DMXL2: variants seen among roughly 807,000 people sequenced by gnomAD.
DMXL2 encodes the protein dmX-like protein 2.
DMXL2 carries 103 observed loss-of-function variants against 331.1 expected under a neutral mutation model. That is an observed-to-expected ratio of 0.31 (90% CI 0.27 to 0.37). The LOEUF is 0.37. Among genes scored for constraint, DMXL2 ranks in the 10% least tolerant of loss-of-function variants. The probability of loss-of-function intolerance (pLI) is 1.00; values close to 1 mark genes in which losing one functional copy is unlikely to be tolerated. For synonymous variants in DMXL2, 1,281 were observed against 1,252.1 expected (o/e 1.02, Z -0.49); for missense variants, 3,171 against 3,642.9 (o/e 0.87, Z 3.33).
intron 15 of DMXL2, among the ~76,000 whole-genome samples, chr15:51,511,152 A>G (rs1410525158): frequency 3.3e-5 from 5 of 152,210 alleles, no homozygotes; most frequent in African/African-American, 1.2e-4. Flanking sequence ...TCATGACTAA[A>G]ACACCAAAAA....
intron 9 of DMXL2, among the ~76,000 whole-genome samples, chr15:51,538,957 C>T (rs1410237636): frequency 6.6e-6 from 1 of 152,052 alleles, no homozygotes; most frequent in African/African-American, 2.4e-5. Context: ...TGCCTGTAAT[C>T]CTAGCATTTT....
intron 6 of DMXL2, among the ~76,000 whole-genome samples, chr15:51,556,563 A>C (rs1217957780): frequency 6.6e-6 from 1 of 152,106 alleles, no homozygotes; most frequent in Non-Finnish European, 1.5e-5. Context: ...ATCTGAGGTC[A>C]GGAGTTCGAG....
intron 27 of DMXL2, 123 bp from the exon 28 acceptor site, chr15:51,474,715 G>C: frequency 1.8e-6 from 2 of 1,088,062 alleles, no homozygotes; most frequent in Non-Finnish European, 2.5e-6. Flanking sequence ...TCCATAATTT[G>C]AGCAACAAAA....
chr15:51,478,806 G>C lies in DMXL2; in HGVS notation c.6757-459C>G, dbSNP rs981287678. 1.2e-3 allele frequency among the ~76,000 whole-genome samples: 180 copies of C among 152,186 alleles called. 1 individual carries two copies. Among genetic ancestry groups the C allele is most frequent in the African/African-American group, 4.3e-3 (179 of 41,518 alleles). On this transcript the variant is annotated intron_variant, in intron 25 of 43. Transcript: ENST00000560891. ...AATGAATTAAATCTTTTTAGTAAATGTGTCAATCACTGTGTGAAACAGCAG... is the reference window on the plus strand; with the variant it reads ...AATGAATTAAATCTTTTTAGTAAATCTGTCAATCACTGTGTGAAACAGCAG...
rs905305754 is a variant in DMXL2 at position 51,622,769 on chromosome 15, A to G, written c.-224T>C. The G allele has an allele frequency of 5.2e-6, 4 of 775,304 alleles. No individual in the cohort carries two copies. The African/African-American group carries it at 7.3e-5, about 14-fold the overall frequency. 48.0% of individuals were successfully genotyped at this position (775,304 alleles called of 1,614,324 possible). A position where few individuals can be genotyped will look rare whatever the true frequency, so the allele number is the denominator to read the frequency against. On this transcript the variant is annotated 5_prime_UTR_variant, in exon 1 of 44. Transcript: ENST00000560891. ...GCCCGGGTCGCCGCTCAGCTGCGGAAATGCCCGGATGTTCCCACTGCCTGC... is the reference window on the plus strand; with the variant it reads ...GCCCGGGTCGCCGCTCAGCTGCGGAGATGCCCGGATGTTCCCACTGCCTGC...
At chr15:51,502,300 G>C (rs2043697998) in intron 17 of DMXL2, among the ~76,000 whole-genome samples, 1 of 125,656 alleles carries the variant, frequency 8.0e-6, no homozygotes, top group South Asian at 2.6e-4. Flanking sequence ...AGGAAATTTT[G>C]TGGGTTTGTG....
In DMXL2 at chr15:51,448,386, T is replaced by C. The variant is rs1340280012; in HGVS notation, c.*598A>G. ...TGCAAATTGTGAGTAAAACATTGCATTTAAATTTGCACTCATTTGCAAGTT... is the reference window on the plus strand; with the variant it reads ...TGCAAATTGTGAGTAAAACATTGCACTTAAATTTGCACTCATTTGCAAGTT... On this transcript the variant is annotated 3_prime_UTR_variant, in exon 44 of 44. Coordinates refer to ENST00000560891, the MANE Select transcript of DMXL2 (RefSeq NM_001378457.1). 1.3e-5 allele frequency: 2 copies of C among 153,308 alleles called. No homozygotes were observed. Among genetic ancestry groups the C allele is most frequent in the Non-Finnish European group, 2.9e-5 (2 of 68,524 alleles). The allele number at this position is 153,308 out of a possible 1,614,324, so 9.5% of individuals were successfully genotyped here. A position where few individuals can be genotyped will look rare whatever the true frequency, so the allele number is the denominator to read the frequency against.
At chr15:51,489,484 C>T (rs978433963) in intron 20 of DMXL2, among the ~76,000 whole-genome samples, 2 of 151,980 alleles carry the variant, frequency 1.3e-5, no homozygotes, top group Non-Finnish European at 2.9e-5. Flanking sequence ...TGGTGAAACC[C>T]CGTCTCTACT....
At position 51,480,709 on chromosome 15, in the gene DMXL2, T is replaced by G; in HGVS notation, c.6397A>C (p.Arg2133=). ...GCATGCTCTCGTTTGGCCTGCAATCTTCTTCTTTCTATTTGATGGCGCTCA... is the reference window on the plus strand; with the variant it reads ...GCATGCTCTCGTTTGGCCTGCAATCGTCTTCTTTCTATTTGATGGCGCTCA... ...SYERHQIERR[R]LQAKREHAER... Residue 2133 remains arginine (R), a synonymous_variant, in exon 24 of 44, where the codon AGA becomes CGA. Coordinates refer to ENST00000560891, the MANE Select transcript of DMXL2 (RefSeq NM_001378457.1). 4 of 1,608,446 alleles carry G rather than the reference T, an allele frequency of 2.5e-6. No individual in the cohort carries two copies. Among genetic ancestry groups the G allele is most frequent in the Non-Finnish European group, 3.4e-6 (4 of 1,176,648 alleles).
chr15:51,564,428 A>C (rs993499127), intron 4 of DMXL2, among the ~76,000 whole-genome samples, 168 bp from the exon 5 acceptor site: 1 of 152,114 alleles, frequency 6.6e-6, no homozygotes, highest in Non-Finnish European at 1.5e-5. Context: ...TATAAGAAAA[A>C]AGAATCTTCT....
intron 13 of DMXL2, among the ~76,000 whole-genome samples, chr15:51,530,187 C>G (rs1357563844): frequency 6.6e-6 from 1 of 152,112 alleles, no homozygotes; most frequent in African/African-American, 2.4e-5. Context: ...AGGATGCTCA[C>G]TTTCACCACT....
At chr15:51,610,694 G>T (rs1430129429) in intron 1 of DMXL2, among the ~76,000 whole-genome samples, 1 of 151,722 alleles carries the variant, frequency 6.6e-6, no homozygotes, top group Non-Finnish European at 1.5e-5. Flanking sequence ...CATGAACCCA[G>T]GAGACAGAGC....
chr15:51,575,140 C>T (rs914541346), intron 2 of DMXL2, among the ~76,000 whole-genome samples: 2 of 152,096 alleles, frequency 1.3e-5, no homozygotes, highest in African/African-American at 4.8e-5. Flanking sequence ...CTGTCAAGTA[C>T]TGGTACATTT....
chr15:51,593,342 C>A (rs545400941), intron 1 of DMXL2, among the ~76,000 whole-genome samples: 2,312 of 152,146 alleles, frequency 0.015, 45 homozygotes, highest in Non-Finnish European at 0.016. Flanking sequence ...TGGTAAAGGG[C>A]TGAATTCAAC....
intron 1 of DMXL2, among the ~76,000 whole-genome samples, chr15:51,599,731 G>T (rs146725639): frequency 6.6e-6 from 1 of 150,632 alleles, no homozygotes; most frequent in Admixed American, 6.6e-5. Flanking sequence ...ATGGAGTCTC[G>T]CTTTGTCACC....
intron 1 of DMXL2, among the ~76,000 whole-genome samples, chr15:51,608,391 A>C (rs1267564969): frequency 6.6e-6 from 1 of 152,244 alleles, no homozygotes; most frequent in Non-Finnish European, 1.5e-5. Context: ...AAAATGTGGT[A>C]CACATATGCC....
intron 1 of DMXL2, among the ~76,000 whole-genome samples, chr15:51,602,217 C>T (rs1451142106): frequency 6.6e-6 from 1 of 152,086 alleles, no homozygotes; most frequent in Non-Finnish European, 1.5e-5. Context: ...CAGGCCTAAA[C>T]CAAGCAGCAA....
intron 1 of DMXL2, among the ~76,000 whole-genome samples, chr15:51,613,262 A>G (rs886778072): frequency 6.6e-6 from 1 of 152,254 alleles, no homozygotes; most frequent in Non-Finnish European, 1.5e-5. Flanking sequence ...TGGGGAAGTG[A>G]TAAATGTCCA....
At chr15:51,568,597 G>C (rs145601444) in intron 2 of DMXL2, 39 bp from the exon 3 acceptor site, 4 of 1,320,304 alleles carry the variant, frequency 3.0e-6, no homozygotes, top group Non-Finnish European at 4.2e-6. Context: ...TCTAGAAAAG[G>C]GTAAAATAAA....
Sources: allele counts gnomAD v4.1 joint callset (sites outside exome capture counted in the v4.1 genomes callset), GRCh38; gene constraint gnomAD v4.1.1; transcripts MANE v1.5; gene names NCBI Gene and HGNC (gene_info 2026-07-23, HGNC 2026-07-21).